Variants in KCNH8 observed in about 807,000 individuals in gnomAD.
The protein encoded by KCNH8 is potassium voltage-gated channel subfamily H member 8.
KCNH8 carries 70 observed loss-of-function variants against 103.6 expected under a neutral mutation model. The observed-to-expected ratio is 0.68, with a 90% CI of 0.56 to 0.82. KCNH8 has a LOEUF of 0.82. Ranked by LOEUF, KCNH8 falls within the 40% of genes least tolerant of loss-of-function variation. The pLI, the probability that KCNH8 is intolerant of heterozygous loss-of-function variation, is 0.00. For synonymous variants in KCNH8, 498 were observed against 489.4 expected, an observed-to-expected ratio of 1.02 and a Z score of -0.23; for missense variants, 1,217 against 1,329.9, an observed-to-expected ratio of 0.92 and a Z score of 1.32.
At chr3:19,149,450 G>GTTT (rs796098636) in intron 1 of KCNH8, among the ~76,000 whole-genome samples, 2 of 145,110 alleles carry the variant, frequency 1.4e-5, no homozygotes, top group African/African-American at 5.0e-5. Context: ...AAAGTTTTTA[G>GTTT]TTTTTTTTTT....
intron 15 of KCNH8, among the ~76,000 whole-genome samples, chr3:19,531,344 G>A (rs951680418): frequency 6.6e-6 from 1 of 152,190 alleles, no homozygotes; most frequent in Non-Finnish European, 1.5e-5. Context: ...ATTTAAGTGT[G>A]ATTCATGTGC....
At chr3:19,163,588 T>G (rs532727157) in intron 1 of KCNH8, among the ~76,000 whole-genome samples, 2 of 152,258 alleles carry the variant, frequency 1.3e-5, no homozygotes, top group East Asian at 3.9e-4. Flanking sequence ...TTTTATATTA[T>G]CTTCTGAGGT....
intron 1 of KCNH8, among the ~76,000 whole-genome samples, chr3:19,241,717 CACACAG>C (rs2064143760): frequency 7.8e-6 from 1 of 127,952 alleles, no homozygotes; most frequent in African/African-American, 2.8e-5. Context: ...TAAAAATACA[CACACAG>C]ACACACACAC....
chr3:19,416,378 A>C (rs1171773056), intron 7 of KCNH8, among the ~76,000 whole-genome samples: 1 of 152,064 alleles, frequency 6.6e-6, no homozygotes, highest in Non-Finnish European at 1.5e-5. Context: ...TCAGATTTCG[A>C]TTCACTTTCT....
At chr3:19,523,298 G>A (rs2069005398) in intron 15 of KCNH8, among the ~76,000 whole-genome samples, 1 of 151,944 alleles carries the variant, frequency 6.6e-6, no homozygotes, top group South Asian at 2.1e-4. Flanking sequence ...AGGCTTTAGA[G>A]AAAATTATTT....
chr3:19,367,577 A>T (rs2066030697), intron 5 of KCNH8, among the ~76,000 whole-genome samples: 1 of 151,440 alleles, frequency 6.6e-6, no homozygotes, highest in African/African-American at 2.4e-5. Flanking sequence ...CATATTTAAT[A>T]TTTGCATAAT....
At chr3:19,236,818 G>A (rs1269105435) in intron 1 of KCNH8, among the ~76,000 whole-genome samples, 1 of 152,126 alleles carries the variant, frequency 6.6e-6, no homozygotes, top group African/African-American at 2.4e-5. Flanking sequence ...ACACCTTTCT[G>A]TAATACTCTA....
intron 8 of KCNH8, 71 bp from the exon 9 acceptor site, chr3:19,450,035 T>C (rs1559332966): frequency 1.5e-6 from 2 of 1,299,234 alleles, no homozygotes; most frequent in Non-Finnish European, 2.2e-6. Flanking sequence ...GGATAAACTG[T>C]AAATTTAGAT....
intron 3 of KCNH8, among the ~76,000 whole-genome samples, chr3:19,294,217 A>G (rs142763157): frequency 3.3e-5 from 5 of 152,288 alleles, no homozygotes; most frequent in African/African-American, 9.6e-5. Flanking sequence ...AATTTTGAAG[A>G]TAATTGAAGT....
chr3:19,210,178 G>T (rs2063756324), intron 1 of KCNH8, among the ~76,000 whole-genome samples: 1 of 151,890 alleles, frequency 6.6e-6, no homozygotes, highest in South Asian at 2.1e-4. Context: ...TTATTTCTAG[G>T]AAACATTTTG....
rs562040084 is a variant in KCNH8 at position 19,528,917 on chromosome 3, G to C, written c.2620-4478G>C. On this transcript the variant is annotated intron_variant, in intron 15 of 15. Coordinates refer to ENST00000328405, the MANE Select transcript of KCNH8 (RefSeq NM_144633.3). ...TCTCATGTGATGCAAAGTGGTCAGG[G>C]TTAAAACTGCTATGTGAGTGTCAAT... is the stretch of plus-strand genomic sequence containing the variant. Among the ~76,000 whole-genome samples the C allele has an allele frequency of 3.9e-5, 6 of 152,186 alleles. 1 individual carries two copies. The highest frequency in any genetic ancestry group is 1.4e-4 in the African/African-American group (6 of 41,540).
chr3:19,153,277 G>A (rs1440287991), intron 1 of KCNH8, among the ~76,000 whole-genome samples: 1 of 152,114 alleles, frequency 6.6e-6, no homozygotes, highest in Non-Finnish European at 1.5e-5. Flanking sequence ...AAGTTGTATT[G>A]CACAGTCTTA....
At chr3:19,366,452 G>A (rs532309617) in intron 5 of KCNH8, among the ~76,000 whole-genome samples, 1 of 152,170 alleles carries the variant, frequency 6.6e-6, no homozygotes, top group Admixed American at 6.6e-5. Flanking sequence ...ACTATGAGAA[G>A]AGCATGTGCT....
rs571166480 is a variant in KCNH8, at chr3:19,511,600, C to T, written c.2079+1199C>T. Among the ~76,000 whole-genome samples, 10 of 152,138 alleles carry T rather than the reference C, an allele frequency of 6.6e-5. No individual in the cohort carries two copies. In the South Asian group the frequency reaches 1.7e-3, roughly 25 times the overall value. On this transcript the variant is annotated intron_variant, in intron 12 of 15. Transcript: ENST00000328405. ...GTATACAAATGTTCCCCTGTAATTCCGTGTAGGCCCAATTTTTGTTAAAAA... is the reference window on the plus strand; with the variant it reads ...GTATACAAATGTTCCCCTGTAATTCTGTGTAGGCCCAATTTTTGTTAAAAA...
intron 5 of KCNH8, among the ~76,000 whole-genome samples, chr3:19,356,773 T>A (rs551453246): frequency 1.3e-5 from 2 of 152,036 alleles, no homozygotes; most frequent in South Asian, 4.1e-4. Context: ...TTGGATCAGG[T>A]TTTTTGCTTG....
rs1163604706 is a variant in KCNH8 at position 19,308,650 on chromosome 3, GTCTCTCTCTCTCTCTCTCTC to G, written c.442+27370_442+27389del. On this transcript the variant is annotated intron_variant, in intron 3 of 15. Transcript: ENST00000328405. ...ATGAAAAGACCCTGTGAATGTTGGG[GTCTCTCTCTCTCTCTCTCTC>G]TCTCTCTCTCTCTCTCTCTCTCTCT... Among the ~76,000 whole-genome samples the G allele has an allele frequency of 3.1e-3, 160 of 51,354 alleles. 6 individuals carry two copies. The highest frequency in any genetic ancestry group is 4.2e-3 in the African/African-American group (52 of 12,304). The allele number at this position is 51,354 out of a possible 152,430, so 33.7% of individuals were successfully genotyped here. A position where few individuals can be genotyped will look rare whatever the true frequency, so the allele number is the denominator to read the frequency against.
At chr3:19,170,394 T>C (rs2063328991) in intron 1 of KCNH8, among the ~76,000 whole-genome samples, 1 of 151,980 alleles carries the variant, frequency 6.6e-6, no homozygotes, top group Non-Finnish European at 1.5e-5. Context: ...CAAAGTGTTA[T>C]ATCATATATG....
At chr3:19,408,107 G>T (rs757610071) in intron 7 of KCNH8, among the ~76,000 whole-genome samples, 1 of 152,052 alleles carries the variant, frequency 6.6e-6, no homozygotes. Flanking sequence ...CAGTAAACAA[G>T]GATCAAGTAT....
chr3:19,456,761 T>C lies in KCNH8; in HGVS notation c.1826-7T>C. On this transcript the variant is annotated splice_polypyrimidine_tract_variant and splice_region_variant and intron_variant, in intron 10 of 15. Transcript: ENST00000328405. ...TTTTTGAAAATGATCTCTCTCTCTC[T>C]TTCTAGGGAAAGGGGATTTAATTGG... is the stretch of plus-strand genomic sequence containing the variant. 2 of 1,588,024 alleles carry C rather than the reference T, an allele frequency of 1.3e-6. No homozygotes were observed. The highest frequency in any genetic ancestry group is 1.7e-6 in the Non-Finnish European group (2 of 1,157,186).
Sources: allele counts gnomAD v4.1 joint callset (sites outside exome capture counted in the v4.1 genomes callset), GRCh38; gene constraint gnomAD v4.1.1; transcripts MANE v1.5; gene names NCBI Gene and HGNC (gene_info 2026-07-23, HGNC 2026-07-21).